DIAPH2: variants seen among roughly 807,000 people sequenced by gnomAD.
DIAPH2 encodes the protein protein diaphanous homolog 2.
A neutral mutation model predicts 92.7 loss-of-function variants in DIAPH2; 35 were observed. The ratio of observed to expected loss-of-function variants is 0.38; its 90% confidence interval spans 0.29 to 0.50. DIAPH2 has a LOEUF of 0.50. DIAPH2 is among the 20% of genes least tolerant of loss of function. The pLI is 0.94. For synonymous variants in DIAPH2, 301 were observed against 280.4 expected, an observed-to-expected ratio of 1.07 and a Z score of -0.73; for missense variants, 701 against 819.5, an observed-to-expected ratio of 0.86 and a Z score of 1.77.
rs147061782 is a variant in DIAPH2, at chrX:97,520,103, C to T, written c.3242-79150C>T. Among the ~76,000 whole-genome samples, 25 of 112,308 alleles carry T rather than the reference C, an allele frequency of 2.2e-4. No homozygotes were observed. In the East Asian group the frequency reaches 6.9e-3, roughly 31 times the overall value. On this transcript the variant is annotated intron_variant, in intron 26 of 26. Transcript: ENST00000324765. Reference sequence around the variant, plus strand: ...TCTAAAAGTGAATAAAAAAATTCACCTACCAAATCTGGATAACAAGAATGT... The same window carrying T: ...TCTAAAAGTGAATAAAAAAATTCACTTACCAAATCTGGATAACAAGAATGT...
intron 22 of DIAPH2, among the ~76,000 whole-genome samples, chrX:97,199,978 C>T (rs769677303): frequency 1.1e-3 from 122 of 110,065 alleles, no homozygotes; most frequent in South Asian, 2.0e-3. Context: ...CAGCTCCCAA[C>T]GAGACAAATG....
chrX:97,304,081 G>T (rs1464575796), intron 23 of DIAPH2, among the ~76,000 whole-genome samples: 1 of 111,847 alleles, frequency 8.9e-6, no homozygotes, highest in Non-Finnish European at 1.9e-5. Flanking sequence ...ATAACACCCT[G>T]TATGTTGAAT....
At chrX:97,373,930 C>A (rs1217692542) in intron 24 of DIAPH2, among the ~76,000 whole-genome samples, 1 of 110,447 alleles carries the variant, frequency 9.1e-6, no homozygotes, top group Non-Finnish European at 1.9e-5. Flanking sequence ...GCAGAAGGAA[C>A]GCAAGTGTAA....
At chrX:97,179,001 C>T (rs2147462049) in intron 22 of DIAPH2, among the ~76,000 whole-genome samples, 1 of 111,432 alleles carries the variant, frequency 9.0e-6, no homozygotes, top group African/African-American at 3.3e-5. Flanking sequence ...TTTGACATCC[C>T]AGCCTCCAAA....
At chrX:97,055,123 A>G (rs1223106351) in intron 17 of DIAPH2, among the ~76,000 whole-genome samples, 1 of 106,208 alleles carries the variant, frequency 9.4e-6, no homozygotes, top group Admixed American at 1.0e-4. Context: ...TTTTGTAAAC[A>G]TGAGGTCTTA....
At chrX:96,911,154 G>A (rs2065466593) in intron 5 of DIAPH2, among the ~76,000 whole-genome samples, 1 of 111,601 alleles carries the variant, frequency 9.0e-6, no homozygotes, top group Admixed American at 9.6e-5. Flanking sequence ...GATTTAAAAT[G>A]TATTAAGTAG....
intron 4 of DIAPH2, among the ~76,000 whole-genome samples, chrX:96,866,097 G>A (rs1182427919): frequency 9.0e-6 from 1 of 111,518 alleles, no homozygotes; most frequent in Non-Finnish European, 1.9e-5. Flanking sequence ...CAGTTGTAAT[G>A]TGTTGGTTGC....
intron 25 of DIAPH2, among the ~76,000 whole-genome samples, chrX:97,394,066 A>G (rs1428509439): frequency 8.9e-6 from 1 of 112,023 alleles, no homozygotes; most frequent in Non-Finnish European, 1.9e-5. Flanking sequence ...ACATCTTATA[A>G]GTGAATAAAC....
At chrX:96,794,582 A>G (rs1320536671) in intron 4 of DIAPH2, among the ~76,000 whole-genome samples, 1 of 110,751 alleles carries the variant, frequency 9.0e-6, no homozygotes, top group East Asian at 2.8e-4. Context: ...GACTGTAAAT[A>G]GGTAAAATCA....
chrX:97,492,906 T>C (rs780492092), intron 26 of DIAPH2, among the ~76,000 whole-genome samples: 37 of 112,594 alleles, frequency 3.3e-4, no homozygotes, highest in Non-Finnish European at 6.2e-4. Context: ...TTCTTTGGGC[T>C]TCATGAATCT....
intron 23 of DIAPH2, among the ~76,000 whole-genome samples, chrX:97,262,816 AAG>A (rs1420198035): frequency 8.9e-6 from 1 of 111,936 alleles, no homozygotes; most frequent in Admixed American, 9.5e-5. Context: ...ACAGACGGAG[AAG>A]AGAGAGGTCC....
In DIAPH2 at chrX:97,473,114, C is replaced by T. The variant is rs186312834; in HGVS notation, c.3241+43369C>T. On this transcript the variant is annotated intron_variant, in intron 26 of 26. Transcript: ENST00000324765. ...TTTAGCCTATGGGATGCCCCACACA[C>T]TTTAGCCCTTTATTATGTGCAGCTT... Among the ~76,000 whole-genome samples, 7 of 111,842 alleles carry T rather than the reference C, an allele frequency of 6.3e-5. No individual in the cohort carries two copies. The East Asian group carries it at 2.0e-3, about 31-fold the overall frequency.
intron 23 of DIAPH2, among the ~76,000 whole-genome samples, chrX:97,331,571 A>G (rs1424575093): frequency 1.8e-5 from 2 of 112,371 alleles, no homozygotes; most frequent in African/African-American, 6.5e-5. Flanking sequence ...TGCAAAAGTA[A>G]TATTTTCCTT....
chrX:97,197,793 A>G (rs1016205808), intron 22 of DIAPH2, among the ~76,000 whole-genome samples: 2 of 111,865 alleles, frequency 1.8e-5, no homozygotes, highest in South Asian at 3.7e-4. Flanking sequence ...TTAAGTTTGA[A>G]GTGTTCAGGT....
intron 23 of DIAPH2, among the ~76,000 whole-genome samples, chrX:97,251,991 T>TCAAAGC (rs1316601983): frequency 2.7e-5 from 3 of 111,670 alleles, no homozygotes; most frequent in African/African-American, 3.3e-5. Context: ...TTTAAAAAAG[T>TCAAAGC]CAAAGCATCA....
At chrX:97,469,719 G>A in intron 26 of DIAPH2, 1 of 1,205,112 alleles carries the variant, frequency 8.3e-7, no homozygotes, top group Non-Finnish European at 1.1e-6. Context: ...GTGCAACAAG[G>A]GCTAATCCAA....
chrX:97,245,649 G>A (rs752144134), intron 22 of DIAPH2, among the ~76,000 whole-genome samples: 1 of 110,705 alleles, frequency 9.0e-6, no homozygotes, highest in Admixed American at 9.7e-5. Flanking sequence ...CTGAGTCCAA[G>A]CAATCCATCC....
intron 25 of DIAPH2, among the ~76,000 whole-genome samples, chrX:97,389,787 G>A (rs971800060): frequency 9.1e-6 from 1 of 110,295 alleles, no homozygotes; most frequent in Non-Finnish European, 1.9e-5. Flanking sequence ...ATCCCCTCAA[G>A]GAGTTCTGGG....
intron 23 of DIAPH2, among the ~76,000 whole-genome samples, chrX:97,289,005 A>G (rs1204186389): frequency 9.0e-6 from 1 of 111,443 alleles, no homozygotes; most frequent in Non-Finnish European, 1.9e-5. Flanking sequence ...AAACTCACCA[A>G]TTTGTTTTTG....
Sources: gnomAD v4.1 joint callset for allele counts (sites outside exome capture counted in the v4.1 genomes callset) on GRCh38, gnomAD v4.1.1 for gene constraint, MANE v1.5 for transcripts, NCBI Gene and HGNC (gene_info 2026-07-23, HGNC 2026-07-21) for gene names.